SMAP1: variants seen among roughly 807,000 people sequenced by gnomAD.
The protein encoded by SMAP1 is small ArfGAP 1.
A neutral mutation model predicts 58.5 loss-of-function variants in SMAP1; 24 were observed. The observed-to-expected ratio is 0.41, with a 90% confidence interval of 0.30 to 0.58. The LOEUF is 0.58. SMAP1 is among the 20% of genes least tolerant of loss of function. The probability of loss-of-function intolerance (pLI) is 0.29; values close to 1 mark genes in which losing one functional copy is unlikely to be tolerated. For missense variants in SMAP1, 563 were observed against 566.3 expected, an observed-to-expected ratio of 0.99 and a Z score of 0.06; for synonymous variants, 216 against 196.6, an observed-to-expected ratio of 1.10 and a Z score of -0.82.
At chr6:70,859,309 A>C in intron 10 of SMAP1, 1 of 1,536,728 alleles carries the variant, frequency 6.5e-7, no homozygotes, top group Non-Finnish European at 8.8e-7. Flanking sequence ...GAAGGAGTTA[A>C]TACTGGCTCT....
At chr6:70,668,867 A>G (rs901299757) in intron 1 of SMAP1, among the ~76,000 whole-genome samples, 1 of 152,176 alleles carries the variant, frequency 6.6e-6, no homozygotes, top group African/African-American at 2.4e-5. Flanking sequence ...TGAAGATTTT[A>G]GTAATTAGGT....
chr6:70,729,177 T>C (rs1325049236), intron 1 of SMAP1, among the ~76,000 whole-genome samples: 2 of 152,160 alleles, frequency 1.3e-5, no homozygotes, highest in Non-Finnish European at 2.9e-5. Flanking sequence ...TGATGGCTCA[T>C]GCCTGTAATC....
intron 2 of SMAP1, among the ~76,000 whole-genome samples, chr6:70,739,023 G>A (rs1416533277): frequency 6.6e-6 from 1 of 152,092 alleles, no homozygotes; most frequent in Non-Finnish European, 1.5e-5. Flanking sequence ...ATATTTGTGT[G>A]GTACCTCTGC....
At chr6:70,856,727 GAATGGCA>G (rs1771440450) in intron 8 of SMAP1, 125 bp from the exon 9 acceptor site, 1 of 865,548 alleles carries the variant, frequency 1.2e-6, no homozygotes, top group African/African-American at 1.7e-5. Flanking sequence ...TGATCCTCTT[GAATGGCA>G]CCATTTTACC....
chr6:70,764,836 A>G (rs948507791), intron 3 of SMAP1, among the ~76,000 whole-genome samples: 22 of 151,954 alleles, frequency 1.4e-4, no homozygotes, highest in African/African-American at 5.3e-4. Flanking sequence ...GTCTCACTCC[A>G]TTGCCCAGGC....
At chr6:70,693,509 G>T (rs899739410) in intron 1 of SMAP1, among the ~76,000 whole-genome samples, 2 of 150,336 alleles carry the variant, frequency 1.3e-5, no homozygotes, top group African/African-American at 4.9e-5. Context: ...TCACCTTGTT[G>T]GCCAGGATGG....
chr6:70,815,108 C>G (rs1285000696), intron 6 of SMAP1, among the ~76,000 whole-genome samples: 2 of 152,122 alleles, frequency 1.3e-5, no homozygotes, highest in African/African-American at 4.8e-5. Flanking sequence ...ATTGCTCACA[C>G]TAATTGCTCG....
In SMAP1 at chr6:70,794,796, T is replaced by C. The variant is rs867831844; in HGVS notation, c.495+3027T>C. Among the ~76,000 whole-genome samples, 988 of 149,406 alleles carry C rather than the reference T, an allele frequency of 6.6e-3. 7 individuals are homozygous for C. Among genetic ancestry groups the C allele is most frequent in the African/African-American group, 0.023 (946 of 40,420 alleles). On this transcript the variant is annotated intron_variant, in intron 5 of 10. Transcript: ENST00000370455. ...GTGCCACATTTTCTTTTCTTTTTTTTTTTTTTTTTTGAGATGGAGTTTCAC... is the reference window on the plus strand; with the variant it reads ...GTGCCACATTTTCTTTTCTTTTTTTCTTTTTTTTTTGAGATGGAGTTTCAC...
intron 7 of SMAP1, among the ~76,000 whole-genome samples, chr6:70,840,306 A>G (rs1019921156): frequency 2.0e-5 from 3 of 152,168 alleles, no homozygotes; most frequent in African/African-American, 4.8e-5. Flanking sequence ...ACTTTAATGA[A>G]CTTACTTTCT....
intron 4 of SMAP1, among the ~76,000 whole-genome samples, 183 bp from the exon 5 acceptor site, chr6:70,791,505 AT>A (rs1439829536): frequency 6.6e-6 from 1 of 152,192 alleles, no homozygotes; most frequent in African/African-American, 2.4e-5. Flanking sequence ...CCTTTTATAA[AT>A]TTCAAATTGA....
At chr6:70,744,475 C>A (rs1765942153) in intron 2 of SMAP1, among the ~76,000 whole-genome samples, 1 of 152,128 alleles carries the variant, frequency 6.6e-6, no homozygotes, top group Admixed American at 6.5e-5. Flanking sequence ...TGTCCAGCTT[C>A]ATCCATGACC....
chr6:70,771,246 A>T (rs1463464917), intron 3 of SMAP1, among the ~76,000 whole-genome samples: 2 of 152,246 alleles, frequency 1.3e-5, no homozygotes, highest in Non-Finnish European at 2.9e-5. Context: ...TCAGATCTCC[A>T]GCTGTGTGCT....
At chr6:70,675,285 T>G (rs957281127) in intron 1 of SMAP1, among the ~76,000 whole-genome samples, 3 of 148,930 alleles carry the variant, frequency 2.0e-5, no homozygotes, top group African/African-American at 7.4e-5. Context: ...CAAAACAACC[T>G]TTGAGGTAGG....
chr6:70,858,579 T>G (rs2150015580), intron 10 of SMAP1: 1 of 168,696 alleles, frequency 5.9e-6, no homozygotes, highest in South Asian at 1.7e-4. Context: ...CTAAGCTTTA[T>G]CCAGCTTGCT....
chr6:70,832,046 T>G (rs1263081700), intron 6 of SMAP1, among the ~76,000 whole-genome samples: 2 of 152,204 alleles, frequency 1.3e-5, no homozygotes, highest in Non-Finnish European at 2.9e-5. Flanking sequence ...TTTATACACT[T>G]GTTGGCTACG....
chr6:70,773,569 A>G lies in SMAP1; in HGVS notation c.414+144A>G, dbSNP rs185060386. The G allele has an allele frequency of 1.2e-3, 627 of 512,646 alleles. 1 individual carries two copies. Among genetic ancestry groups the G allele is most frequent in the Non-Finnish European group, 1.8e-3 (527 of 298,408 alleles). The allele number at this position is 512,646 out of a possible 1,614,324, so 31.8% of individuals were successfully genotyped here. A position where few individuals can be genotyped will look rare whatever the true frequency, so the allele number is the denominator to read the frequency against. On this transcript the variant is annotated intron_variant, in intron 4 of 10. Coordinates refer to ENST00000370455, the MANE Select transcript of SMAP1 (RefSeq NM_001044305.3). Reference sequence around the variant, plus strand: ...AATATTGGAACTTTTTTGGTTATATAATGTTGAGCTCTTGCAGAGCAGAAG... The same window carrying G: ...AATATTGGAACTTTTTTGGTTATATGATGTTGAGCTCTTGCAGAGCAGAAG...
At chr6:70,693,324 A>ATTTTT in intron 1 of SMAP1, among the ~76,000 whole-genome samples, 1 of 106,578 alleles carries the variant, frequency 9.4e-6, no homozygotes, top group African/African-American at 3.3e-5. Flanking sequence ...TTTTTTTTTA[A>ATTTTT]GACAGAGTCT....
chr6:70,800,737 A>G (rs374214727), intron 6 of SMAP1, among the ~76,000 whole-genome samples: 37 of 151,270 alleles, frequency 2.4e-4, no homozygotes, highest in East Asian at 3.9e-4. Flanking sequence ...TTACTGTTCA[A>G]TTCCCACCTA....
intron 6 of SMAP1, among the ~76,000 whole-genome samples, chr6:70,825,151 G>A (rs1770061058): frequency 6.6e-6 from 1 of 152,166 alleles, no homozygotes; most frequent in Admixed American, 6.6e-5. Flanking sequence ...CTGTGCTTAA[G>A]CTTATGTCCC....
Sources: allele counts gnomAD v4.1 joint callset (sites outside exome capture counted in the v4.1 genomes callset), GRCh38; gene constraint gnomAD v4.1.1; transcripts MANE v1.5; gene names NCBI Gene and HGNC (gene_info 2026-07-23, HGNC 2026-07-21).